GALNT1: variants seen among roughly 807,000 people sequenced by gnomAD.
The protein encoded by GALNT1 is GalNAc transferase 1.
GALNT1 carries 17 observed loss-of-function variants against 65.7 expected under a neutral mutation model. The ratio of observed to expected loss-of-function variants is 0.26; its 90% CI spans 0.18 to 0.39. GALNT1 has a LOEUF of 0.39. GALNT1 is among the 10% of genes least tolerant of loss of function. The pLI is 1.00. For synonymous variants in GALNT1, 210 were observed against 219.7 expected, an observed-to-expected ratio of 0.96 and a Z score of 0.39; for missense variants, 460 against 672.8, an observed-to-expected ratio of 0.68 and a Z score of 3.50.
At chr18:35,588,298 C>T (rs1360217679) in intron 1 of GALNT1, among the ~76,000 whole-genome samples, 1 of 152,180 alleles carries the variant, frequency 6.6e-6, no homozygotes, top group African/African-American at 2.4e-5. Flanking sequence ...GAGAAATCCA[C>T]TGTCATTCTA....
intron 11 of GALNT1, among the ~76,000 whole-genome samples, chr18:35,707,468 G>C (rs930781959): frequency 6.6e-6 from 1 of 152,184 alleles, no homozygotes; most frequent in Admixed American, 6.5e-5. Context: ...ACAAGGCTCT[G>C]TGCCTGCTGT....
chr18:35,680,241 A>G (rs74448952), intron 4 of GALNT1, among the ~76,000 whole-genome samples: 2 of 152,166 alleles, frequency 1.3e-5, no homozygotes, highest in East Asian at 3.9e-4. Flanking sequence ...GGGAACATTT[A>G]TCTCCACCAT....
Position 35,671,543 on chromosome 18 carries a change from G to A in GALNT1, c.315-6048G>A, listed in dbSNP as rs60220755. Among the ~76,000 whole-genome samples the A allele has an allele frequency of 0.027, 4,043 of 152,174 alleles. 408 individuals carry two copies. In the East Asian group the frequency reaches 0.35, roughly 13 times the overall value. On this transcript the variant is annotated intron_variant, in intron 3 of 11. Transcript: ENST00000269195. ...CTTGATATATTTGAACTTCTTTTAG[G>A]TTGAACCATATGAAATTGATATTCA...
intron 1 of GALNT1, among the ~76,000 whole-genome samples, chr18:35,629,542 G>T (rs2046973825): frequency 6.6e-6 from 1 of 152,152 alleles, no homozygotes; most frequent in Admixed American, 6.5e-5. Flanking sequence ...CACCAGGCCT[G>T]CCCTACGAGA....
At chr18:35,602,458 G>A (rs921179710) in intron 1 of GALNT1, among the ~76,000 whole-genome samples, 8 of 152,092 alleles carry the variant, frequency 5.3e-5, no homozygotes, top group Middle Eastern at 3.4e-3. Flanking sequence ...TTCTATCCCC[G>A]TCTTTCTCAA....
chr18:35,704,935 C>T (rs1005778210), intron 11 of GALNT1, among the ~76,000 whole-genome samples: 2 of 152,224 alleles, frequency 1.3e-5, no homozygotes, highest in African/African-American at 4.8e-5. Flanking sequence ...TGAGCCACTG[C>T]ACCCAGCCTG....
chr18:35,663,513 C>T (rs2047505320), intron 2 of GALNT1, 115 bp from the exon 3 acceptor site: 2 of 1,076,160 alleles, frequency 1.9e-6, no homozygotes, highest in South Asian at 1.7e-5. Context: ...AGGGTGGGCT[C>T]AGAAAGGGTT....
Position 35,663,770 on chromosome 18 carries a change from C to A in GALNT1, c.282C>A (p.Leu94=). ...FNLMASEMIA[L]NRSLPDVRLE... is the part of the protein sequence containing the mutation. ...TAATGGCAAGTGAGATGATTGCACT[C>A]AACAGATCTTTACCAGATGTTAGGT... The change falls in exon 3 of 12, where the codon CTC becomes CTA. Residue 94 remains leucine, a synonymous_variant. Transcript: ENST00000269195. The A allele has an allele frequency of 6.2e-7, 1 of 1,613,802 alleles. No individual in the cohort carries two copies. Among genetic ancestry groups the A allele is most frequent in the South Asian group, 1.1e-5 (1 of 91,048 alleles).
At chr18:35,660,741 C>T (rs548193992) in intron 2 of GALNT1, among the ~76,000 whole-genome samples, 2 of 152,158 alleles carry the variant, frequency 1.3e-5, no homozygotes, top group African/African-American at 4.8e-5. Flanking sequence ...TAACCACATG[C>T]ATTTCATCCA....
intron 1 of GALNT1, among the ~76,000 whole-genome samples, chr18:35,608,167 AGTT>A (rs1298815814): frequency 1.3e-5 from 2 of 152,028 alleles, no homozygotes; most frequent in Non-Finnish European, 2.9e-5. Flanking sequence ...TTTTCAATGA[AGTT>A]GTCTTACTGC....
chr18:35,636,783 GTTTTTTTTTTTT>G (rs58909585), intron 1 of GALNT1, among the ~76,000 whole-genome samples: 13 of 64,224 alleles, frequency 2.0e-4, no homozygotes, highest in African/African-American at 5.9e-4. Context: ...ATACTACTTT[GTTTTTTTTTTTT>G]TTTTTTTTTT....
At chr18:35,654,840 T>C in intron 2 of GALNT1, 39 bp downstream of exon 2, 5 of 1,424,556 alleles carry the variant, frequency 3.5e-6, no homozygotes, top group Non-Finnish European at 4.6e-6. Flanking sequence ...TTAACTACTA[T>C]ATCACTGGTT....
chr18:35,592,398 A>G, intron 1 of GALNT1, among the ~76,000 whole-genome samples: 1 of 152,214 alleles, frequency 6.6e-6, no homozygotes, highest in East Asian at 1.9e-4. Flanking sequence ...TACAAAGAGT[A>G]TGGGCAAGAG....
chr18:35,618,798 A>G (rs551946657), intron 1 of GALNT1, among the ~76,000 whole-genome samples: 1 of 152,316 alleles, frequency 6.6e-6, no homozygotes, highest in South Asian at 2.1e-4. Context: ...AAAGAGCTGA[A>G]ACAAATATGA....
At chr18:35,628,880 A>G (rs2046960318) in intron 1 of GALNT1, among the ~76,000 whole-genome samples, 1 of 152,256 alleles carries the variant, frequency 6.6e-6, no homozygotes, top group Non-Finnish European at 1.5e-5. Context: ...AAAGGACCTG[A>G]TGGAGCTGAA....
chr18:35,591,298 C>T (rs2046440934), intron 1 of GALNT1, among the ~76,000 whole-genome samples: 1 of 152,126 alleles, frequency 6.6e-6, no homozygotes, highest in African/African-American at 2.4e-5. Context: ...TGTGGTCCTG[C>T]CCTATGCTGT....
intron 1 of GALNT1, among the ~76,000 whole-genome samples, chr18:35,652,649 G>T (rs1368632479): frequency 1.3e-5 from 2 of 152,104 alleles, no homozygotes; most frequent in Non-Finnish European, 2.9e-5. Flanking sequence ...ACCATCATCT[G>T]TCTAGCTAGT....
chr18:35,693,510 T>C (rs1410334366), intron 9 of GALNT1, among the ~76,000 whole-genome samples: 1 of 152,210 alleles, frequency 6.6e-6, no homozygotes, highest in African/African-American at 2.4e-5. Flanking sequence ...AAGGATCACA[T>C]TGTATGCTAT....
At position 35,692,335 on chromosome 18, in the gene GALNT1, TA is replaced by T; in HGVS notation, c.1299+16del. ...CATTGGGAGAGGTAAGAAATATATATATATATATTCTATGTGGTTATTATGT... is the reference window on the plus strand; with the variant it reads ...CATTGGGAGAGGTAAGAAATATATATTATATATTCTATGTGGTTATTATGT... On this transcript the variant is annotated intron_variant, in intron 9 of 11. Transcript: ENST00000269195. The T allele has an allele frequency of 6.9e-7, 1 of 1,459,018 alleles. No homozygotes were observed. The allele number at this position is 1,459,018 out of a possible 1,614,324, so 90.4% of individuals were successfully genotyped here. A position where few individuals can be genotyped will look rare whatever the true frequency, so the allele number is the denominator to read the frequency against.
Sources: gnomAD v4.1 joint callset for allele counts (sites outside exome capture counted in the v4.1 genomes callset) on GRCh38, gnomAD v4.1.1 for gene constraint, MANE v1.5 for transcripts, NCBI Gene and HGNC (gene_info 2026-07-23, HGNC 2026-07-21) for gene names.